NCAM1: variants seen among roughly 807,000 people sequenced by gnomAD.
NCAM1 encodes the protein antigen recognized by monoclonal antibody 5.1H11.
NCAM1 carries 14 observed loss-of-function variants against 109.8 expected under a neutral mutation model. That is an observed-to-expected ratio of 0.13 (90% CI 0.08 to 0.20). The LOEUF is 0.20. NCAM1 is among the 10% of genes least tolerant of loss of function. The probability of loss-of-function intolerance (pLI) is 1.00; values close to 1 mark genes in which losing one functional copy is unlikely to be tolerated. For synonymous variants in NCAM1, 418 were observed against 442.9 expected, an observed-to-expected ratio of 0.94 and a Z score of 0.70; for missense variants, 774 against 1,109.9, an observed-to-expected ratio of 0.70 and a Z score of 4.30.
intron 17 of NCAM1, chr11:113,264,494 G>T (rs1246606996): frequency 2.0e-6 from 2 of 985,576 alleles, no homozygotes; most frequent in Non-Finnish European, 2.4e-6. Flanking sequence ...TTCACACCAG[G>T]GCAGTGGAGG....
chr11:113,147,200 A>T (rs1255025376), intron 1 of NCAM1, among the ~76,000 whole-genome samples: 2 of 152,222 alleles, frequency 1.3e-5, no homozygotes, highest in East Asian at 3.8e-4. Flanking sequence ...GACTGTCTGA[A>T]TTCTTTTTCC....
In NCAM1 at chr11:112,961,479, G is replaced by A; in HGVS notation, c.-134G>A. The A allele has an allele frequency of 1.3e-6, 1 of 789,842 alleles. No individual in the cohort carries two copies. The highest frequency in any genetic ancestry group is 2.3e-6 in the Non-Finnish European group (1 of 428,008). The allele number at this position is 789,842 out of a possible 1,614,324, so 48.9% of individuals were successfully genotyped here. Reference sequence around the variant, plus strand: ...GCTGCCGCTGGCAGGAAACAATTCTGCAAAAATAATCATACTCAGCCTGGC... The same window carrying A: ...GCTGCCGCTGGCAGGAAACAATTCTACAAAAATAATCATACTCAGCCTGGC... On this transcript the variant is annotated 5_prime_UTR_variant, in exon 1 of 20. Transcript: ENST00000316851.
chr11:113,059,226 T>A (rs782464390), intron 1 of NCAM1, among the ~76,000 whole-genome samples: 15 of 152,184 alleles, frequency 9.9e-5, no homozygotes, highest in Non-Finnish European at 2.1e-4. Flanking sequence ...GATAGTGAGC[T>A]CAACCAAAAT....
chr11:113,221,242 ATGT>A, intron 8 of NCAM1, 51 bp from the exon 9 acceptor site: 1 of 1,538,014 alleles, frequency 6.5e-7, no homozygotes, highest in Non-Finnish European at 8.8e-7. Flanking sequence ...CTAAAGCAAC[ATGT>A]TGTAAAATTT....
intron 1 of NCAM1, among the ~76,000 whole-genome samples, chr11:113,143,213 G>A (rs182035153): frequency 6.6e-6 from 1 of 152,102 alleles, no homozygotes; most frequent in African/African-American, 2.4e-5. Flanking sequence ...ATTCAATTAG[G>A]TTTCATACAT....
intron 1 of NCAM1, among the ~76,000 whole-genome samples, chr11:113,106,471 TAAA>T (rs1207998398): frequency 2.4e-4 from 37 of 152,316 alleles, no homozygotes; most frequent in African/African-American, 8.7e-4. Flanking sequence ...AAGAAGAAGA[TAAA>T]AAACAGTTGA....
At chr11:113,189,613 C>T (rs894765692) in intron 1 of NCAM1, among the ~76,000 whole-genome samples, 1 of 152,048 alleles carries the variant, frequency 6.6e-6, no homozygotes, top group Non-Finnish European at 1.5e-5. Flanking sequence ...GGACTCCATT[C>T]TGATTTTAGT....
In NCAM1 at chr11:113,157,523, T is replaced by A. The variant is rs551109233; in HGVS notation, c.53-44856T>A. On this transcript the variant is annotated intron_variant, in intron 1 of 19. Coordinates refer to ENST00000316851, the MANE Select transcript of NCAM1 (RefSeq NM_181351.5). ...GGTTATTTGGAAGTTGTAACTTTTT[T>A]AAAATCACCCTCTATATCATTAACT... 1.3e-4 allele frequency among the ~76,000 whole-genome samples: 20 copies of A among 152,302 alleles called. No homozygotes were observed. In the East Asian group the frequency reaches 2.1e-3, roughly 16 times the overall value.
chr11:112,970,195 A>AAT (rs1289518213), intron 1 of NCAM1, among the ~76,000 whole-genome samples: 14 of 152,154 alleles, frequency 9.2e-5, no homozygotes, highest in African/African-American at 2.4e-4. Flanking sequence ...AGAAATTAAA[A>AAT]ATATATATAT....
At chr11:113,167,629 G>A (rs186221258) in intron 1 of NCAM1, among the ~76,000 whole-genome samples, 1 of 152,040 alleles carries the variant, frequency 6.6e-6, no homozygotes, top group Non-Finnish European at 1.5e-5. Flanking sequence ...GGGCCTGTTG[G>A]GGTTGAGTTA....
intron 1 of NCAM1, among the ~76,000 whole-genome samples, chr11:113,194,255 A>G (rs1221267821): frequency 1.3e-5 from 2 of 152,210 alleles, no homozygotes; most frequent in African/African-American, 4.8e-5. Context: ...GATATTCAAT[A>G]TCTTTTCTTC....
chr11:113,244,809 C>A (rs979000847), intron 14 of NCAM1, among the ~76,000 whole-genome samples: 4 of 151,990 alleles, frequency 2.6e-5, no homozygotes, highest in Non-Finnish European at 5.9e-5. Flanking sequence ...CTGTGTAATG[C>A]CAGACAATAA....
chr11:112,967,485 C>T (rs1950759622), intron 1 of NCAM1, among the ~76,000 whole-genome samples: 1 of 152,182 alleles, frequency 6.6e-6, no homozygotes, highest in Admixed American at 6.5e-5. Context: ...CCCTTACTAG[C>T]TGTCTGATCT....
At chr11:113,082,154 T>G (rs151266532) in intron 1 of NCAM1, among the ~76,000 whole-genome samples, 1 of 152,338 alleles carries the variant, frequency 6.6e-6, no homozygotes, top group African/African-American at 2.4e-5. Flanking sequence ...TACATTTTGT[T>G]GTAAGACCAG....
chr11:112,970,502 G>A (rs990675499), intron 1 of NCAM1, among the ~76,000 whole-genome samples: 4 of 152,140 alleles, frequency 2.6e-5, no homozygotes, highest in Non-Finnish European at 5.9e-5. Context: ...ACCTGTATGC[G>A]GGGAAAGGAC....
chr11:112,967,653 A>T (rs1323290790), intron 1 of NCAM1, among the ~76,000 whole-genome samples: 2 of 152,218 alleles, frequency 1.3e-5, no homozygotes, highest in Non-Finnish European at 2.9e-5. Context: ...ATATATATGG[A>T]TCTGGAAAAA....
chr11:113,111,936 C>T (rs1042506708), intron 1 of NCAM1, among the ~76,000 whole-genome samples: 3 of 152,166 alleles, frequency 2.0e-5, no homozygotes, highest in East Asian at 3.8e-4. Context: ...ATTTTCTCAT[C>T]GCAGATCTTA....
chr11:112,970,207 T>C (rs1950840448), intron 1 of NCAM1, among the ~76,000 whole-genome samples: 1 of 152,112 alleles, frequency 6.6e-6, no homozygotes, highest in Non-Finnish European at 1.5e-5. Context: ...TATATATATA[T>C]GTTTAAGAGG....
chr11:113,055,984 T>TG (rs1825067498), intron 1 of NCAM1, among the ~76,000 whole-genome samples: 2 of 34,770 alleles, frequency 5.8e-5, no homozygotes, highest in African/African-American at 2.4e-4. Flanking sequence ...ATGTGATATA[T>TG]ATATATATAT....
Sources: gnomAD v4.1 joint callset for allele counts (sites outside exome capture counted in the v4.1 genomes callset) on GRCh38, gnomAD v4.1.1 for gene constraint, MANE v1.5 for transcripts, NCBI Gene and HGNC (gene_info 2026-07-23, HGNC 2026-07-21) for gene names.